The following PTGIS variants were observed in gnomAD, a reference collection of about 807,000 sequenced individuals.
PTGIS encodes prostaglandin I2 synthase, also known as prostacyclin synthase.
In PTGIS, 45 loss-of-function variants were observed where a neutral mutation model predicts 50.3. The ratio of observed to expected loss-of-function variants is 0.90; its 90% CI spans 0.70 to 1.15. The LOEUF is 1.15. Among genes scored for constraint, PTGIS ranks in the 50% most tolerant of loss-of-function variants. The pLI, the probability that PTGIS is intolerant of heterozygous loss-of-function variation, is 0.00. For synonymous variants in PTGIS, 260 were observed against 267.7 expected (o/e 0.97, Z 0.28); for missense variants, 668 against 661.3 (o/e 1.01, Z -0.11).
At chr20:49,551,489 A>G (rs1293287532) in intron 1 of PTGIS, among the ~76,000 whole-genome samples, 1 of 152,192 alleles carries the variant, frequency 6.6e-6, no homozygotes, top group Non-Finnish European at 1.5e-5. Context: ...AAATCCACCT[A>G]TAACCTGGAA....
intron 1 of PTGIS, among the ~76,000 whole-genome samples, chr20:49,561,125 G>A (rs561135352): frequency 6.6e-6 from 1 of 152,138 alleles, no homozygotes; most frequent in Admixed American, 6.5e-5. Context: ...GTTCAGGGAA[G>A]CAGCCACTTC....
At chr20:49,541,469 CGCCTGTAATCCTAGCACTTTGGGAT>C (rs1210471031) in intron 4 of PTGIS, among the ~76,000 whole-genome samples, 1 of 152,144 alleles carries the variant, frequency 6.6e-6, no homozygotes, top group African/African-American at 2.4e-5. Flanking sequence ...AGGTGGCTCA[CGCCTGTAATCCTAGCACTTTGGGAT>C]GCCGAGGTGG....
intron 1 of PTGIS, among the ~76,000 whole-genome samples, chr20:49,550,567 C>G (rs1982480623): frequency 6.6e-6 from 1 of 152,188 alleles, no homozygotes. Flanking sequence ...AATTGGCGAC[C>G]ATGAAGGGAC....
Position 49,508,038 on chromosome 20 carries a change from A to C in PTGIS, c.1385T>G (p.Leu462Trp). 2 of 1,613,972 alleles carry C rather than the reference A, an allele frequency of 1.2e-6. No homozygotes were observed. The highest frequency in any genetic ancestry group is 1.7e-5 in the Admixed American group (1 of 60,024). The change falls in exon 10 of 10, where the codon TTG becomes TGG. Residue 462 changes from leucine (L) to tryptophan (W), a missense_variant. Transcript: ENST00000244043. ...KQFVFLVLVH[L>W]DLELINADVE... ...ATCTGCGTTGATCAGCTCCAAGTCC[A>C]AGTGCACCAGCACAAGGAACACAAA... is the stretch of plus-strand genomic sequence containing the variant.
At chr20:49,520,786 C>A (rs1981631733) in intron 6 of PTGIS, among the ~76,000 whole-genome samples, 1 of 152,172 alleles carries the variant, frequency 6.6e-6, no homozygotes, top group Admixed American at 6.5e-5. Flanking sequence ...CTTGCCTCAG[C>A]CTCCCAAGTA....
chr20:49,512,565 C>G (rs932060018), intron 8 of PTGIS, among the ~76,000 whole-genome samples: 5 of 152,154 alleles, frequency 3.3e-5, no homozygotes, highest in African/African-American at 1.2e-4. Context: ...TAGGGTCTGA[C>G]ACACAGTAAA....
intron 9 of PTGIS, among the ~76,000 whole-genome samples, chr20:49,508,341 G>A (rs567813833): frequency 6.6e-6 from 1 of 152,330 alleles, no homozygotes; most frequent in South Asian, 2.1e-4. Context: ...GCCAGTGTGT[G>A]GCTCTCCAGC....
chr20:49,525,701 A>C (rs1048965399), intron 5 of PTGIS, among the ~76,000 whole-genome samples: 3 of 152,146 alleles, frequency 2.0e-5, no homozygotes, highest in Non-Finnish European at 2.9e-5. Flanking sequence ...CAAAAATATA[A>C]AATATAAAAT....
chr20:49,561,565 G>A (rs929202955), intron 1 of PTGIS, among the ~76,000 whole-genome samples: 1 of 152,198 alleles, frequency 6.6e-6, no homozygotes, highest in Non-Finnish European at 1.5e-5. Flanking sequence ...CCAGGTCAGA[G>A]CCTGGCAGAC....
chr20:49,513,695 T>G (rs1277098897), intron 7 of PTGIS, among the ~76,000 whole-genome samples: 1 of 152,078 alleles, frequency 6.6e-6, no homozygotes, highest in Non-Finnish European at 1.5e-5. Flanking sequence ...GACTGGCCAA[T>G]CAGAGCATCC....
intron 5 of PTGIS, among the ~76,000 whole-genome samples, chr20:49,529,563 T>A (rs190798276): frequency 6.6e-6 from 1 of 152,256 alleles, no homozygotes; most frequent in East Asian, 1.9e-4. Flanking sequence ...GAATATTAAA[T>A]GAAAAACTCC....
At chr20:49,557,572 A>AAG (rs1982649373) in intron 1 of PTGIS, among the ~76,000 whole-genome samples, 1 of 152,048 alleles carries the variant, frequency 6.6e-6, no homozygotes, top group Non-Finnish European at 1.5e-5. Context: ...AGAAAAAAAA[A>AAG]AAGAAGAAAA....
At chr20:49,526,298 A>C (rs190436318) in intron 5 of PTGIS, among the ~76,000 whole-genome samples, 61 of 152,354 alleles carry the variant, frequency 4.0e-4, no homozygotes, top group African/African-American at 1.4e-3. Flanking sequence ...GGCTAAAAAA[A>C]GAGGCAAAGA....
In PTGIS at chr20:49,536,482, T is replaced by C. The variant is rs866009677; in HGVS notation, c.673+3088A>G. 5.1e-3 allele frequency among the ~76,000 whole-genome samples: 595 copies of C among 115,740 alleles called. 1 individual carries two copies. The highest frequency in any genetic ancestry group is 0.019 in the South Asian group (56 of 2,982). 75.9% of individuals were successfully genotyped at this position (115,740 alleles called of 152,430 possible). ...TCTTTCTTTCTTTCTTTCTTTCTTT[T>C]TTTTTTTTTTTTTTTTGAGACGGAG... On this transcript the variant is annotated intron_variant, in intron 5 of 9. Transcript: ENST00000244043.
chr20:49,505,939 G>T lies in PTGIS; in HGVS notation c.*1981C>A, dbSNP rs1457051542. On this transcript the variant is annotated 3_prime_UTR_variant, in exon 10 of 10. Coordinates refer to ENST00000244043, the MANE Select transcript of PTGIS (RefSeq NM_000961.4). ...GCCTCTGGGACATTCAGAGGTCTGGGGTTCTTTTATCTCCCTCCAGCTAAA... is the reference window on the plus strand; with the variant it reads ...GCCTCTGGGACATTCAGAGGTCTGGTGTTCTTTTATCTCCCTCCAGCTAAA... 2.0e-5 allele frequency: 3 copies of T among 152,604 alleles called. No homozygotes were observed. The highest frequency in any genetic ancestry group is 2.0e-4 in the Admixed American group (3 of 15,276). The allele number at this position is 152,604 out of a possible 1,614,324, so 9.5% of individuals were successfully genotyped here.
chr20:49,566,676 A>C (rs1406500525), intron 1 of PTGIS, among the ~76,000 whole-genome samples: 1 of 152,220 alleles, frequency 6.6e-6, no homozygotes, highest in African/African-American at 2.4e-5. Context: ...ACTCTCTCTT[A>C]CGTGGCTCTG....
rs1425965326 is a variant in PTGIS, at chr20:49,505,924, C to T, written c.*1996G>A. ...TCTGAGAAGAGACTAGCCTCTGGGA[C>T]ATTCAGAGGTCTGGGGTTCTTTTAT... is the stretch of plus-strand genomic sequence containing the variant. On this transcript the variant is annotated 3_prime_UTR_variant, in exon 10 of 10. Transcript: ENST00000244043. The T allele has an allele frequency of 1.3e-5, 2 of 152,648 alleles. No homozygotes were observed. The highest frequency in any genetic ancestry group is 4.8e-5 in the African/African-American group (2 of 41,454). 9.5% of individuals were successfully genotyped at this position (152,648 alleles called of 1,614,324 possible).
rs566684340 is a variant in PTGIS at position 49,520,846 on chromosome 20, AT to A, written c.855+3211del. Among the ~76,000 whole-genome samples the A allele has an allele frequency of 7.0e-3, 1,069 of 151,870 alleles. 4 individuals are homozygous for A. Among genetic ancestry groups the A allele is most frequent in the Non-Finnish European group, 0.012 (845 of 67,900 alleles). The stretch of plus-strand genomic sequence containing the variant: ...CACGCCCAGCTTTTCTACAAAAAAA[AT>A]AAGGTAGTTTTTGCAGAGATGGGGT... On this transcript the variant is annotated intron_variant, in intron 6 of 9. Transcript: ENST00000244043.
At chr20:49,522,131 C>T (rs1981667375) in intron 6 of PTGIS, among the ~76,000 whole-genome samples, 1 of 152,070 alleles carries the variant, frequency 6.6e-6, no homozygotes, top group Non-Finnish European at 1.5e-5. Flanking sequence ...CTCGGTCTCA[C>T]GCCCCCTCCC....
Sources: gnomAD v4.1 joint callset for allele counts (sites outside exome capture counted in the v4.1 genomes callset) on GRCh38, gnomAD v4.1.1 for gene constraint, MANE v1.5 for transcripts, NCBI Gene and HGNC (gene_info 2026-07-23, HGNC 2026-07-21) for gene names.